Variants in PCDH17 observed in about 807,000 individuals in gnomAD.
PCDH17 encodes the protein protocadherin 17.
In PCDH17, 21 loss-of-function variants were observed where a neutral mutation model predicts 67.7. The observed-to-expected ratio is 0.31, with a 90% CI of 0.22 to 0.45. PCDH17 has a LOEUF of 0.45. Among genes scored for constraint, PCDH17 ranks in the 20% least tolerant of loss-of-function variants. PCDH17 has a pLI of 1.00. For synonymous variants in PCDH17, 701 were observed against 656.7 expected, an observed-to-expected ratio of 1.07 and a Z score of -1.03; for missense variants, 1,471 against 1,564.8, an observed-to-expected ratio of 0.94 and a Z score of 1.01.
In PCDH17 at chr13:57,724,773, T is replaced by TA; in HGVS notation, c.2960dup (p.Tyr987Ter). 1 of 1,614,174 alleles carries TA rather than the reference T, an allele frequency of 6.2e-7. No homozygotes were observed. Among genetic ancestry groups the TA allele is most frequent in the Admixed American group, 1.7e-5 (1 of 60,020 alleles). The change falls in exon 4 of 4, where the codon TAC (tyrosine) becomes TAAC (stop). Residue 987 changes from tyrosine (Y) to a stop codon, truncating the protein, a stop_gained and frameshift_variant. Transcript: ENST00000377918. LOFTEE classifies it high-confidence loss of function. The part of the protein sequence containing the change: ...TVEANVETET[Y>*]ETVNPTGKKT... ...TGAAGCTAATGTTGAGACTGAGACT[T>TA]ACGAAACTGTGAATCCCACTGGGAA...
chr13:57,685,775 A>G (rs1309571335), intron 3 of PCDH17, among the ~76,000 whole-genome samples: 1 of 151,914 alleles, frequency 6.6e-6, no homozygotes, highest in Non-Finnish European at 1.5e-5. Flanking sequence ...GGTAATAACT[A>G]AGGAAATCAC....
Position 57,632,440 on chromosome 13 carries a change from G to A in PCDH17, c.-107G>A. 1.8e-6 allele frequency: 2 copies of A among 1,140,940 alleles called. No homozygotes were observed. The highest frequency in any genetic ancestry group is 2.4e-6 in the Non-Finnish European group (2 of 817,166). The allele number at this position is 1,140,940 out of a possible 1,614,324, so 70.7% of individuals were successfully genotyped here. ...GAGGGAAAAAAGGACCCATAGACTT[G>A]TGGCTCGCGTCGCGCGCGCACGCTG... On this transcript the variant is annotated 5_prime_UTR_variant, in exon 1 of 4. It adds an upstream start codon to the 5' untranslated region. Transcript: ENST00000377918.
At chr13:57,711,725 T>C (rs1955778418) in intron 3 of PCDH17, among the ~76,000 whole-genome samples, 1 of 151,626 alleles carries the variant, frequency 6.6e-6, no homozygotes, top group South Asian at 2.1e-4. Context: ...TTGATTATTA[T>C]AAAATTACTA....
At position 57,725,902 on chromosome 13, in the gene PCDH17, G is replaced by GAAAAA. The variant is rs1955913138; in HGVS notation, c.*612_*613insAAAAA. On this transcript the variant is annotated 3_prime_UTR_variant, in exon 4 of 4. Coordinates refer to ENST00000377918, the MANE Select transcript of PCDH17 (RefSeq NM_001040429.3). ...CAAGGAACATTCCATATCATTAGTC[G>GAAAAA]AAAACAAAAACAAAAAAAAAACCTT... is the stretch of plus-strand genomic sequence containing the variant. The GAAAAA allele has an allele frequency of 2.0e-5, 3 of 150,758 alleles. No homozygotes were observed. The South Asian group carries it at 6.3e-4, about 31-fold the overall frequency. The allele number at this position is 150,758 out of a possible 1,614,324, so 9.3% of individuals were successfully genotyped here.
intron 1 of PCDH17, among the ~76,000 whole-genome samples, chr13:57,658,768 GTTTT>G: frequency 6.6e-6 from 1 of 151,482 alleles, no homozygotes; most frequent in East Asian, 2.0e-4. Context: ...TCGTTTGTTT[GTTTT>G]GTTTTGTTTT....
Position 57,664,532 on chromosome 13 carries a change from A to T in PCDH17, c.2566-1936A>T, listed in dbSNP as rs975413087. Among the ~76,000 whole-genome samples the T allele has an allele frequency of 2.0e-5, 3 of 152,202 alleles. No individual in the cohort carries two copies. In the East Asian group the frequency reaches 5.8e-4, roughly 29 times the overall value. Reference sequence around the variant, plus strand: ...AGACTATTTCCTTGTGTCTAAACGAATAGGGATCCACATCCTATGAGGCTC... The same window carrying T: ...AGACTATTTCCTTGTGTCTAAACGATTAGGGATCCACATCCTATGAGGCTC... On this transcript the variant is annotated intron_variant, in intron 1 of 3. Transcript: ENST00000377918.
At chr13:57,685,086 G>A (rs1477222762) in intron 3 of PCDH17, among the ~76,000 whole-genome samples, 1 of 151,908 alleles carries the variant, frequency 6.6e-6, no homozygotes, top group African/African-American at 2.4e-5. Flanking sequence ...TTGAAGTTGA[G>A]TCAATAGTGT....
chr13:57,705,100 A>G (rs960398751), intron 3 of PCDH17, among the ~76,000 whole-genome samples: 2 of 152,006 alleles, frequency 1.3e-5, no homozygotes, highest in African/African-American at 4.8e-5. Flanking sequence ...TTAGAGAGAA[A>G]ATATGACTTA....
At chr13:57,678,596 T>G (rs1469544646) in intron 3 of PCDH17, among the ~76,000 whole-genome samples, 1 of 151,560 alleles carries the variant, frequency 6.6e-6, no homozygotes, top group Admixed American at 6.6e-5. Flanking sequence ...AAGTGCAGGG[T>G]AAAGTCCATT....
rs1955304879 is a variant in PCDH17, at chr13:57,670,327, C to T, written c.2797+3494C>T. On this transcript the variant is annotated intron_variant, in intron 3 of 3. Coordinates refer to ENST00000377918, the MANE Select transcript of PCDH17 (RefSeq NM_001040429.3). ...TTTATAGATGAGAGATGATGACAGC[C>T]ATATCCAAATAATTATTTCATGTAG... is the stretch of plus-strand genomic sequence containing the variant. Among the ~76,000 whole-genome samples the T allele has an allele frequency of 2.0e-5, 3 of 151,750 alleles. No homozygotes were observed. The South Asian group carries it at 6.2e-4, about 31-fold the overall frequency.
chr13:57,721,546 AT>A (rs1320730787), intron 3 of PCDH17, among the ~76,000 whole-genome samples: 1 of 152,070 alleles, frequency 6.6e-6, no homozygotes, highest in African/African-American at 2.4e-5. Flanking sequence ...CTTCAATGTT[AT>A]TTTTTATTAT....
intron 3 of PCDH17, among the ~76,000 whole-genome samples, chr13:57,685,878 G>A (rs1955501402): frequency 6.6e-6 from 1 of 151,910 alleles, no homozygotes; most frequent in Admixed American, 6.6e-5. Flanking sequence ...CTGAAGGCAG[G>A]AGTTCAAGAC....
chr13:57,717,983 C>A (rs1030901751), intron 3 of PCDH17, among the ~76,000 whole-genome samples: 1 of 151,872 alleles, frequency 6.6e-6, no homozygotes, highest in Non-Finnish European at 1.5e-5. Flanking sequence ...AACAGACAAC[C>A]TCATGAAATA....
chr13:57,719,028 C>A (rs1474372804), intron 3 of PCDH17, among the ~76,000 whole-genome samples: 1 of 151,968 alleles, frequency 6.6e-6, no homozygotes, highest in African/African-American at 2.4e-5. Flanking sequence ...AATTAATCTA[C>A]AGAACACTTG....
At chr13:57,691,503 G>A (rs1286303399) in intron 3 of PCDH17, among the ~76,000 whole-genome samples, 2 of 151,020 alleles carry the variant, frequency 1.3e-5, no homozygotes, top group African/African-American at 2.4e-5. Flanking sequence ...ATGAAAAGTG[G>A]GGAGTAAACC....
intron 1 of PCDH17, among the ~76,000 whole-genome samples, chr13:57,648,213 A>T (rs960245304): frequency 6.6e-6 from 1 of 151,880 alleles, no homozygotes; most frequent in South Asian, 2.1e-4. Context: ...CAATATCCCC[A>T]GGTAGTATAA....
chr13:57,639,820 A>G (rs1247318962), intron 1 of PCDH17, among the ~76,000 whole-genome samples: 2 of 151,946 alleles, frequency 1.3e-5, no homozygotes, highest in African/African-American at 4.8e-5. Flanking sequence ...ATCGGCATAG[A>G]AAAGTATGCC....
At position 57,728,925 on chromosome 13, in the gene PCDH17, T is replaced by TA. The variant is rs1467805055; in HGVS notation, c.*3632dup. 6.6e-6 allele frequency: 1 copy of TA among 152,412 alleles called. No individual in the cohort carries two copies. The highest frequency in any genetic ancestry group is 1.9e-4 in the East Asian group (1 of 5,200). 9.4% of individuals were successfully genotyped at this position (152,412 alleles called of 1,614,324 possible). On this transcript the variant is annotated 3_prime_UTR_variant, in exon 4 of 4. Transcript: ENST00000377918. ...GTTTGTTATCTAATAGAGTAAAAGT[T>TA]ACTGAGGTCAACAGATAGACAGGTC...
At chr13:57,631,334 G>A (rs1312319880), upstream of PCDH17, among the ~76,000 whole-genome samples, 1 of 152,064 alleles carries the variant, frequency 6.6e-6, no homozygotes, top group Non-Finnish European at 1.5e-5. Flanking sequence ...CGAGAGACAG[G>A]GAGAGTGTGT....
Sources: allele counts gnomAD v4.1 joint callset (sites outside exome capture counted in the v4.1 genomes callset), GRCh38; gene constraint gnomAD v4.1.1; transcripts MANE v1.5; gene names NCBI Gene and HGNC (gene_info 2026-07-23, HGNC 2026-07-21).